Variants in SHANK2 observed in about 807,000 individuals in gnomAD.
SHANK2 encodes SH3 and multiple ankyrin repeat domains protein 2.
SHANK2 carries 43 observed loss-of-function variants against 133.7 expected under a neutral mutation model. The observed-to-expected ratio is 0.32, with a 90% confidence interval of 0.25 to 0.41. The LOEUF (loss-of-function observed/expected upper bound fraction) is 0.41. Among genes scored for constraint, SHANK2 ranks in the 10% least tolerant of loss-of-function variants. The probability of loss-of-function intolerance (pLI) is 1.00; values close to 1 mark genes in which losing one functional copy is unlikely to be tolerated. For synonymous variants in SHANK2, 1,017 were observed against 952.8 expected (o/e 1.07, Z -1.24); for missense variants, 1,994 against 2,235.8 (o/e 0.89, Z 2.18).
intron 8 of SHANK2, among the ~76,000 whole-genome samples, chr11:71,076,441 A>C (rs1951220547): frequency 1.3e-5 from 2 of 152,082 alleles, no homozygotes; most frequent in Non-Finnish European, 2.9e-5. Flanking sequence ...CAGTGAGGAA[A>C]GATGACAGGG....
At chr11:70,633,146 T>C (rs1174502744) in intron 17 of SHANK2, among the ~76,000 whole-genome samples, 1 of 150,328 alleles carries the variant, frequency 6.7e-6, no homozygotes, top group Non-Finnish European at 1.5e-5. Context: ...ATATTATGTA[T>C]GTTATATATA....
chr11:70,694,769 C>T (rs1945356233), intron 15 of SHANK2, among the ~76,000 whole-genome samples: 1 of 152,182 alleles, frequency 6.6e-6, no homozygotes, highest in Admixed American at 6.5e-5. Flanking sequence ...TACAGGGGTG[C>T]ACAAGACCTA....
At chr11:71,065,879 TG>T (rs1162928668) in intron 9 of SHANK2, among the ~76,000 whole-genome samples, 1 of 17,442 alleles carries the variant, frequency 5.7e-5, no homozygotes, top group Non-Finnish European at 1.1e-4. Context: ...GTGGGGAAGT[TG>T]GGGGGGATAC....
At chr11:70,590,021 G>C (rs2060301419) in intron 17 of SHANK2, among the ~76,000 whole-genome samples, 1 of 152,240 alleles carries the variant, frequency 6.6e-6, no homozygotes, top group Admixed American at 6.5e-5. Flanking sequence ...CAGGCGCGGT[G>C]GCGGGCGCCT....
intron 10 of SHANK2, chr11:70,952,752 G>A (rs920453990): frequency 5.0e-5 from 12 of 239,040 alleles, no homozygotes; most frequent in South Asian, 1.0e-4. Context: ...TCGTGTGTCC[G>A]GGGGGGCCTG....
chr11:70,552,434 G>A (rs370048443), intron 17 of SHANK2, among the ~76,000 whole-genome samples: 4 of 152,354 alleles, frequency 2.6e-5, no homozygotes, highest in East Asian at 3.9e-4. Context: ...GTCACAGCGA[G>A]TCATTTATCG....
At chr11:70,829,476 G>A (rs960036052) in intron 11 of SHANK2, among the ~76,000 whole-genome samples, 3 of 152,262 alleles carry the variant, frequency 2.0e-5, no homozygotes, top group East Asian at 1.9e-4. Context: ...GAATACGGCT[G>A]GCTTCCACCC....
intron 17 of SHANK2, among the ~76,000 whole-genome samples, chr11:70,531,395 G>A (rs1380005634): frequency 2.0e-5 from 3 of 152,200 alleles, no homozygotes; most frequent in Admixed American, 6.5e-5. Flanking sequence ...CCACGCGCCC[G>A]GGGGCCTGAG....
intron 2 of SHANK2, among the ~76,000 whole-genome samples, chr11:71,210,210 G>GTGTATATATATGTGTATATATATA (rs1491563939): frequency 1.8e-5 from 1 of 54,074 alleles, no homozygotes; most frequent in Non-Finnish European, 3.2e-5. Flanking sequence ...AAATCCACAG[G>GTGTATATATATGTGTATATATATA]TATATATATA....
chr11:71,073,678 G>T (rs1951180604), intron 9 of SHANK2, among the ~76,000 whole-genome samples: 1 of 152,004 alleles, frequency 6.6e-6, no homozygotes, highest in African/African-American at 2.4e-5. Flanking sequence ...TGTTGCCCAG[G>T]CTAGTCTCAA....
chr11:71,145,767 C>A (rs548050586), intron 3 of SHANK2, among the ~76,000 whole-genome samples: 12 of 151,042 alleles, frequency 7.9e-5, no homozygotes, highest in Admixed American at 4.6e-4. Context: ...AGCACTTGGG[C>A]CCCCCTTCCC....
chr11:70,931,618 C>T (rs10793403), intron 10 of SHANK2, among the ~76,000 whole-genome samples: 52,195 of 152,170 alleles, frequency 0.34, 12,359 homozygotes, highest in African/African-American at 0.68. Context: ...GCCAGCCCTT[C>T]GTAGGTCATC....
At chr11:71,102,581 T>C (rs1331406589) in intron 6 of SHANK2, among the ~76,000 whole-genome samples, 7 of 152,174 alleles carry the variant, frequency 4.6e-5, no homozygotes, top group Non-Finnish European at 8.8e-5. Context: ...GTCACCAAAC[T>C]CACTGTGGAG....
intron 17 of SHANK2, among the ~76,000 whole-genome samples, chr11:70,520,194 A>G (rs2059313988): frequency 6.6e-6 from 1 of 152,214 alleles, no homozygotes; most frequent in Admixed American, 6.5e-5. Flanking sequence ...CATTTGTCAC[A>G]ATTAATAAAC....
At chr11:70,503,022 A>C (rs2059083605) in intron 17 of SHANK2, 91 bp from the exon 18 acceptor site, 5 of 1,428,106 alleles carry the variant, frequency 3.5e-6, no homozygotes, top group Admixed American at 1.7e-5. Flanking sequence ...GTGGGCTCCT[A>C]AAAAGGGGGC....
chr11:70,897,337 T>C (rs1252691584), intron 10 of SHANK2, among the ~76,000 whole-genome samples: 3 of 152,218 alleles, frequency 2.0e-5, no homozygotes, highest in African/African-American at 7.2e-5. Flanking sequence ...GGCATTCAGA[T>C]GCCAGCCTGG....
chr11:70,924,737 T>A (rs1950403328), intron 10 of SHANK2, among the ~76,000 whole-genome samples: 1 of 152,090 alleles, frequency 6.6e-6, no homozygotes, highest in Non-Finnish European at 1.5e-5. Flanking sequence ...GATTACAGGC[T>A]TGAGCCACCG....
At chr11:70,802,383 C>A (rs1031182485) in intron 13 of SHANK2, among the ~76,000 whole-genome samples, 3 of 152,148 alleles carry the variant, frequency 2.0e-5, no homozygotes, top group Non-Finnish European at 4.4e-5. Context: ...AGCGGTGATT[C>A]CCTGTACTGG....
chr11:71,202,473 G>C (rs1008693499), intron 2 of SHANK2, among the ~76,000 whole-genome samples: 1 of 152,166 alleles, frequency 6.6e-6, no homozygotes, highest in African/African-American at 2.4e-5. Flanking sequence ...CCAGCCCCTC[G>C]GCGAGACAAG....
Sources: gnomAD v4.1 joint callset for allele counts (sites outside exome capture counted in the v4.1 genomes callset) on GRCh38, gnomAD v4.1.1 for gene constraint, MANE v1.5 for transcripts, NCBI Gene and HGNC (gene_info 2026-07-23, HGNC 2026-07-21) for gene names.